PCDH15: variants seen among roughly 807,000 people sequenced by gnomAD.
PCDH15 encodes protocadherin-15.
Under a neutral mutation model 178.5 loss-of-function variants are expected in PCDH15, and 129 were observed. The ratio of observed to expected loss-of-function variants is 0.72; its 90% CI spans 0.63 to 0.84. The LOEUF (loss-of-function observed/expected upper bound fraction) is 0.84, where lower values mean the gene tolerates loss of function less well. Among genes scored for constraint, PCDH15 ranks in the 40% least tolerant of loss-of-function variants. The probability of loss-of-function intolerance (pLI) is 0.00; values close to 1 mark genes in which losing one functional copy is unlikely to be tolerated. For missense variants in PCDH15, 2,230 were observed against 2,099.9 expected (o/e 1.06, Z -1.21); for synonymous variants, 800 against 732.0 (o/e 1.09, Z -1.50).
At chr10:55,572,066 C>T (rs1052607014) in intron 2 of PCDH15, among the ~76,000 whole-genome samples, 4 of 151,960 alleles carry the variant, frequency 2.6e-5, no homozygotes, top group African/African-American at 9.7e-5. Context: ...GAATGATTAT[C>T]AGACAAATAC....
chr10:54,536,893 C>T (rs1173642904), intron 2 of PCDH15, among the ~76,000 whole-genome samples: 1 of 151,846 alleles, frequency 6.6e-6, no homozygotes, highest in Non-Finnish European at 1.5e-5. Context: ...TTATCCAATT[C>T]ACTGTTGACG....
intron 26 of PCDH15, among the ~76,000 whole-genome samples, chr10:53,890,554 T>C (rs969824684): frequency 4.6e-5 from 7 of 152,196 alleles, no homozygotes; most frequent in African/African-American, 1.7e-4. Flanking sequence ...TCTAGATTAC[T>C]GGGTTTCTAA....
At chr10:54,001,418 AAACTT>A (rs1412585554) in intron 20 of PCDH15, among the ~76,000 whole-genome samples, 1 of 152,110 alleles carries the variant, frequency 6.6e-6, no homozygotes, top group African/African-American at 2.4e-5. Context: ...GAAACAATAA[AAACTT>A]AAAAAGCATG....
intron 3 of PCDH15, among the ~76,000 whole-genome samples, chr10:54,509,737 TAC>T (rs943329412): frequency 4.3e-4 from 65 of 152,268 alleles, no homozygotes; most frequent in African/African-American, 1.4e-3. Flanking sequence ...TCTTTCTTCC[TAC>T]AGTTTGATCA....
intron 2 of PCDH15, among the ~76,000 whole-genome samples, chr10:55,162,511 C>T (rs948526961): frequency 5.0e-4 from 76 of 152,290 alleles, no homozygotes; most frequent in African/African-American, 1.7e-3. Flanking sequence ...ACCTAACCAA[C>T]TCCATCTTGC....
chr10:55,465,022 T>C (rs1387610706), intron 2 of PCDH15, among the ~76,000 whole-genome samples: 3 of 152,124 alleles, frequency 2.0e-5, no homozygotes, highest in South Asian at 4.2e-4. Context: ...CAAACCCTGT[T>C]GTGGATCTGA....
At chr10:54,292,761 G>T (rs192269744) in intron 8 of PCDH15, among the ~76,000 whole-genome samples, 153 of 152,146 alleles carry the variant, frequency 1.0e-3, no homozygotes, top group African/African-American at 3.6e-3. Context: ...AACATACAAG[G>T]GATGTGAGGG....
At chr10:54,513,611 C>T (rs1266307965) in intron 3 of PCDH15, among the ~76,000 whole-genome samples, 2 of 152,092 alleles carry the variant, frequency 1.3e-5, no homozygotes, top group Non-Finnish European at 2.9e-5. Flanking sequence ...AAAAGAATCA[C>T]ACTATGTATT....
intron 2 of PCDH15, among the ~76,000 whole-genome samples, chr10:54,659,746 C>G (rs1188898298): frequency 1.2e-5 from 1 of 82,308 alleles, no homozygotes; most frequent in Non-Finnish European, 2.8e-5. Context: ...AGAGTAAGAC[C>G]CTGTCTCAAA....
intron 17 of PCDH15, among the ~76,000 whole-genome samples, chr10:54,076,404 A>G (rs1309427589): frequency 6.6e-6 from 1 of 152,132 alleles, no homozygotes; most frequent in African/African-American, 2.4e-5. Flanking sequence ...ATGCAAACTC[A>G]TATCACCTCT....
chr10:54,999,781 T>A (rs1839754504), intron 2 of PCDH15, among the ~76,000 whole-genome samples: 1 of 152,146 alleles, frequency 6.6e-6, no homozygotes, highest in South Asian at 2.1e-4. Context: ...TCCCTAAGTG[T>A]CGGATGGTCT....
intron 18 of PCDH15, among the ~76,000 whole-genome samples, chr10:54,053,649 T>C (rs1217283875): frequency 3.3e-5 from 5 of 152,174 alleles, no homozygotes; most frequent in Non-Finnish European, 7.4e-5. Context: ...TATAAACAGA[T>C]GCAAAGAGAC....
chr10:54,204,686 CG>C (rs2050605722), intron 10 of PCDH15, among the ~76,000 whole-genome samples: 1 of 152,040 alleles, frequency 6.6e-6, no homozygotes, highest in Non-Finnish European at 1.5e-5. Flanking sequence ...AACTAGGATA[CG>C]GGCGCTCAAG....
At chr10:54,511,450 G>A (rs776770849) in intron 3 of PCDH15, among the ~76,000 whole-genome samples, 4 of 152,100 alleles carry the variant, frequency 2.6e-5, no homozygotes, top group Non-Finnish European at 4.4e-5. Context: ...CAGAAACAGA[G>A]AGAATAGCAC....
intron 3 of PCDH15, among the ~76,000 whole-genome samples, chr10:54,828,602 T>A (rs1348469487): frequency 6.6e-6 from 1 of 152,058 alleles, no homozygotes; most frequent in Admixed American, 6.6e-5. Context: ...TAAACAGAGC[T>A]TTTATTAAGT....
In PCDH15 at chr10:54,389,982, A is replaced by C. The variant is rs530619013; in HGVS notation, c.158-11040T>G. ...TAAAATAGCCATCCATATCATTCTG[A>C]TGCTTGTTGAAATTTGAGAACCTTG... On this transcript the variant is annotated intron_variant, in intron 3 of 37. Transcript: ENST00000644397. Among the ~76,000 whole-genome samples, 156 of 152,154 alleles carry C rather than the reference A, an allele frequency of 1.0e-3. No homozygotes were observed. In the Middle Eastern group the frequency reaches 0.02, roughly 20 times the overall value.
chr10:53,919,002 A>G (rs150946679), intron 25 of PCDH15, among the ~76,000 whole-genome samples: 185 of 152,206 alleles, frequency 1.2e-3, no homozygotes, highest in African/African-American at 4.0e-3. Context: ...GTGTCCTTTC[A>G]TCAGTCGAAT....
chr10:55,096,248 T>A (rs917161810), intron 2 of PCDH15, among the ~76,000 whole-genome samples: 3 of 152,106 alleles, frequency 2.0e-5, no homozygotes, highest in Non-Finnish European at 4.4e-5. Flanking sequence ...TTTTCCAACA[T>A]CTGTGATAGT....
At chr10:54,125,654 C>T (rs775916235) in intron 15 of PCDH15, among the ~76,000 whole-genome samples, 9 of 152,148 alleles carry the variant, frequency 5.9e-5, no homozygotes, top group Admixed American at 2.6e-4. Context: ...TCTAATCCCA[C>T]ATCTGCAACA....
Sources: gnomAD v4.1 joint callset for allele counts (sites outside exome capture counted in the v4.1 genomes callset) on GRCh38, gnomAD v4.1.1 for gene constraint, MANE v1.5 for transcripts, NCBI Gene and HGNC (gene_info 2026-07-23, HGNC 2026-07-21) for gene names.